Variants in ANO4 observed in about 807,000 individuals in gnomAD.
ANO4 encodes anoctamin-4.
In ANO4, 69 loss-of-function variants were observed where a neutral mutation model predicts 141.9. The observed-to-expected ratio is 0.49, with a 90% CI of 0.40 to 0.59. The LOEUF (loss-of-function observed/expected upper bound fraction) is 0.59, where lower values mean the gene tolerates loss of function less well. Ranked by LOEUF, ANO4 falls within the 20% of genes least tolerant of loss-of-function variation. The pLI, the probability that ANO4 is intolerant of heterozygous loss-of-function variation, is 0.00. For missense variants in ANO4, 894 were observed against 1,162.2 expected (o/e 0.77, Z 3.36); for synonymous variants, 350 against 394.3 (o/e 0.89, Z 1.33).
chr12:100,923,440 TC>T (rs2041727400), intron 3 of ANO4, among the ~76,000 whole-genome samples: 1 of 152,176 alleles, frequency 6.6e-6, no homozygotes, highest in East Asian at 1.9e-4. Flanking sequence ...TCCAGCTTCA[TC>T]CATGCCCCTG....
intron 1 of ANO4, among the ~76,000 whole-genome samples, chr12:100,811,821 A>G (rs59342869): frequency 0.041 from 6,186 of 152,218 alleles, 429 homozygotes; most frequent in African/African-American, 0.14. Context: ...ATAACTCTTC[A>G]GTTATTATTG....
chr12:101,070,812 T>C (rs1445562362), intron 14 of ANO4, among the ~76,000 whole-genome samples: 6 of 152,086 alleles, frequency 3.9e-5, no homozygotes, highest in Non-Finnish European at 8.8e-5. Context: ...CAGCTCAAAC[T>C]ACTTTGTAGG....
At chr12:100,849,062 G>A (rs1201882144) in intron 1 of ANO4, among the ~76,000 whole-genome samples, 2 of 152,174 alleles carry the variant, frequency 1.3e-5, no homozygotes, top group Non-Finnish European at 2.9e-5. Flanking sequence ...AGCATGTGGA[G>A]AGCACTTAAC....
At chr12:101,125,364 G>A (rs1311149190) in intron 26 of ANO4, among the ~76,000 whole-genome samples, 1 of 152,030 alleles carries the variant, frequency 6.6e-6, no homozygotes, top group Non-Finnish European at 1.5e-5. Context: ...AGAAGCTTTT[G>A]GGCCAAGATG....
At chr12:101,068,067 AC>A (rs1448617408) in intron 14 of ANO4, among the ~76,000 whole-genome samples, 1 of 152,226 alleles carries the variant, frequency 6.6e-6, no homozygotes, top group African/African-American at 2.4e-5. Context: ...TAATGGATAA[AC>A]TGGGCAAATG....
At chr12:100,939,933 TA>T (rs1311221745) in intron 4 of ANO4, among the ~76,000 whole-genome samples, 1 of 152,172 alleles carries the variant, frequency 6.6e-6, no homozygotes, top group Non-Finnish European at 1.5e-5. Flanking sequence ...GAAAAATTAG[TA>T]TTTTTTTTGG....
At position 101,104,650 on chromosome 12, in the gene ANO4, T is replaced by C. The variant is rs1421167077; in HGVS notation, c.2149+4930T>C. 1.1e-4 allele frequency among the ~76,000 whole-genome samples: 11 copies of C among 99,732 alleles called. No homozygotes were observed. In the East Asian group the frequency reaches 2.2e-3, roughly 20 times the overall value. The allele number at this position is 99,732 out of a possible 152,430, so 65.4% of individuals were successfully genotyped here. ...GTGTATATATATATATATATATATA[T>C]ATATATATATATATATATATAAATA... is the stretch of plus-strand genomic sequence containing the variant. On this transcript the variant is annotated intron_variant, in intron 22 of 27. Coordinates refer to ENST00000392977, the MANE Select transcript of ANO4 (RefSeq NM_001286615.2).
At chr12:100,895,486 A>G (rs565407444) in intron 1 of ANO4, among the ~76,000 whole-genome samples, 1 of 152,180 alleles carries the variant, frequency 6.6e-6, no homozygotes, top group Non-Finnish European at 1.5e-5. Flanking sequence ...TTATTCAGAA[A>G]AATTTTCACT....
In ANO4 at chr12:100,733,662, C is replaced by A. The variant is rs944083571; in HGVS notation, c.23-112C>A. The A allele has an allele frequency of 3.0e-5, 18 of 603,486 alleles. No homozygotes were observed. The East Asian group carries it at 4.5e-4, about 15-fold the overall frequency. The allele number at this position is 603,486 out of a possible 1,614,324, so 37.4% of individuals were successfully genotyped here. A position where few individuals can be genotyped will look rare whatever the true frequency, so the allele number is the denominator to read the frequency against. On this transcript the variant is annotated intron_variant, in intron 1 of 29. Transcript: ENST00000644049. ...ACCACTGAATGAGTATGAGACTACC[C>A]GTGTCATAGACAAGGAGAGCTGGTT...
chr12:101,048,297 C>T (rs1346296938), intron 13 of ANO4, 44 bp from the exon 14 acceptor site: 4 of 1,586,338 alleles, frequency 2.5e-6, no homozygotes. Flanking sequence ...ATTGGAATAT[C>T]ATATATGAGA....
At chr12:101,121,013 T>C (rs1314330456) in intron 26 of ANO4, among the ~76,000 whole-genome samples, 1 of 152,220 alleles carries the variant, frequency 6.6e-6, no homozygotes, top group Admixed American at 6.5e-5. Flanking sequence ...TCTGGGACCA[T>C]AATTTGGAAA....
chr12:101,089,478 A>G (rs561522832), intron 17 of ANO4, among the ~76,000 whole-genome samples: 108 of 152,176 alleles, frequency 7.1e-4, no homozygotes, highest in African/African-American at 2.4e-3. Flanking sequence ...ACCCCCCACC[A>G]GGACTCGGTC....
chr12:101,068,398 A>C, intron 14 of ANO4: 1 of 962,626 alleles, frequency 1.0e-6, no homozygotes, highest in East Asian at 2.4e-5. Flanking sequence ...AGATGAAATA[A>C]GAACTGGAAG....
At chr12:100,827,557 T>C (rs2036417953) in intron 1 of ANO4, among the ~76,000 whole-genome samples, 1 of 151,950 alleles carries the variant, frequency 6.6e-6, no homozygotes, top group Non-Finnish European at 1.5e-5. Flanking sequence ...AATGCCTGCA[T>C]AGTAGGAGCT....
At chr12:101,038,315 T>C (rs1303075643) in intron 10 of ANO4, 1 of 152,058 alleles carries the variant, frequency 6.6e-6, no homozygotes, top group African/African-American at 2.4e-5. Context: ...CAGAAAAGGG[T>C]TTTGTGAGAA....
At chr12:101,081,011 A>ATATGTATG (rs975799717) in intron 15 of ANO4, among the ~76,000 whole-genome samples, 1 of 119,400 alleles carries the variant, frequency 8.4e-6, no homozygotes, top group Non-Finnish European at 1.7e-5. Flanking sequence ...ATACATATAT[A>ATATGTATG]TATGTATGTG....
At chr12:101,048,788 C>G (rs957657556) in intron 14 of ANO4, among the ~76,000 whole-genome samples, 1 of 152,126 alleles carries the variant, frequency 6.6e-6, no homozygotes, top group Non-Finnish European at 1.5e-5. Flanking sequence ...TTTCTTCTAG[C>G]TCTGTACAAA....
chr12:101,096,544 C>T lies in ANO4; in HGVS notation c.1747C>T (p.Arg583Cys), dbSNP rs1459818215. The T allele has an allele frequency of 3.1e-6, 5 of 1,613,168 alleles. No homozygotes were observed. Among genetic ancestry groups the T allele is most frequent in the East Asian group, 2.2e-5 (1 of 44,816 alleles). ...TCACCTTTTGTCCACAGAACAGCCT[C>T]GCACAGAGTCTGAGTGGGAGAACAG... ...ALLLTNLEQP[R>C]TESEWENSFT... Residue 583 changes from arginine to cysteine, a missense_variant, in exon 19 of 28, where the codon CGC (arginine) becomes TGC (cysteine). Arg to Cys is a radical substitution (Grantham distance 180). This residue lies in a region of ANO4 where 637 missense variants were observed against 909.2 expected (regional missense o/e 0.70). Transcript: ENST00000392977.
Position 100,901,795 on chromosome 12 carries a change from AGC to A in ANO4, c.11_12del (p.Ser4IlefsTer6). 1 of 1,613,906 alleles carries A rather than the reference AGC, an allele frequency of 6.2e-7. No homozygotes were observed. Among genetic ancestry groups the A allele is most frequent in the Non-Finnish European group, 8.5e-7 (1 of 1,179,912 alleles). On this transcript the variant is annotated frameshift_variant, in exon 2 of 28. Transcript: ENST00000392977. LOFTEE classifies it high-confidence loss of function. ...CAGAAGGTCAATAAAAATGGAGGCA[AGC>A]TCTTCTGGAATCACTAATGGAAAAA... MEA[S>X]SSGITNGKTK... is the part of the protein sequence containing the mutation.
Sources: gnomAD v4.1 joint callset for allele counts (sites outside exome capture counted in the v4.1 genomes callset) on GRCh38, gnomAD v4.1.1 for gene constraint, gnomAD v4.1.1 regional missense constraint, MANE v1.5 for transcripts, NCBI Gene and HGNC (gene_info 2026-07-23, HGNC 2026-07-21) for gene names.